Variants in PLCG2 observed in about 807,000 individuals in gnomAD.
PLCG2 encodes the protein 1-phosphatidylinositol 4,5-bisphosphate phosphodiesterase gamma-2.
In PLCG2, 69 loss-of-function variants were observed where a neutral mutation model predicts 175.6. The ratio of observed to expected loss-of-function variants is 0.39; its 90% CI spans 0.32 to 0.48. The LOEUF is 0.48. Among genes scored for constraint, PLCG2 ranks in the 20% least tolerant of loss-of-function variants. PLCG2 has a pLI of 0.91. For synonymous variants in PLCG2, 827 were observed against 624.0 expected, an observed-to-expected ratio of 1.33 and a Z score of -4.85; for missense variants, 1,798 against 1,650.9, an observed-to-expected ratio of 1.09 and a Z score of -1.54.
intron 2 of PLCG2, among the ~76,000 whole-genome samples, chr16:81,845,609 C>G (rs902914175): frequency 1.3e-5 from 2 of 152,226 alleles, no homozygotes; most frequent in Admixed American, 1.3e-4. Context: ...TTTGCAGCCC[C>G]TGCACTAGAA....
chr16:81,850,249 T>C (rs572072024), intron 2 of PLCG2, among the ~76,000 whole-genome samples: 28 of 152,366 alleles, frequency 1.8e-4, no homozygotes. Context: ...TAAGGTTTTA[T>C]GGTTCTATAA....
At chr16:81,753,008 A>C (rs772666939) in intron 1 of PLCG2, among the ~76,000 whole-genome samples, 3 of 152,242 alleles carry the variant, frequency 2.0e-5, no homozygotes, top group Admixed American at 6.5e-5. Context: ...TTCCTGGTAC[A>C]CAGCAAGTGC....
intron 30 of PLCG2, among the ~76,000 whole-genome samples, chr16:81,941,367 C>G (rs1028249832): frequency 3.3e-5 from 5 of 152,138 alleles, no homozygotes; most frequent in African/African-American, 1.2e-4. Flanking sequence ...GGTTCCTGGA[C>G]CCACCACAGG....
At chr16:81,921,766 C>T (rs563417435) in intron 21 of PLCG2, among the ~76,000 whole-genome samples, 115 of 152,298 alleles carry the variant, frequency 7.6e-4, no homozygotes, top group African/African-American at 2.6e-3. Context: ...AGAACCACAG[C>T]GAATTTTCTG....
chr16:81,835,363 A>C (rs62044142), intron 2 of PLCG2, among the ~76,000 whole-genome samples: 18,238 of 152,190 alleles, frequency 0.12, 1,157 homozygotes, highest in South Asian at 0.17. Context: ...TGGGAGGCCA[A>C]AGCGGGCAGA....
chr16:81,960,092 C>G lies in PLCG2; in HGVS notation c.*2094C>G, dbSNP rs909697588. On this transcript the variant is annotated 3_prime_UTR_variant, in exon 33 of 33. Coordinates refer to ENST00000564138, the MANE Select transcript of PLCG2 (RefSeq NM_002661.5). ...CATAAATGGTGCTGGGAAGAACCCT[C>G]TGCCTAAAACTGTCTCCTTCTCCTG... 1 of 219,292 alleles carries G rather than the reference C, an allele frequency of 4.6e-6. No homozygotes were observed. Among genetic ancestry groups the G allele is most frequent in the African/African-American group, 2.2e-5 (1 of 44,522 alleles). 13.6% of individuals were successfully genotyped at this position (219,292 alleles called of 1,614,324 possible). A position where few individuals can be genotyped will look rare whatever the true frequency, so the allele number is the denominator to read the frequency against.
chr16:81,848,041 G>C (rs543947598), intron 2 of PLCG2, among the ~76,000 whole-genome samples: 1 of 152,322 alleles, frequency 6.6e-6, no homozygotes, highest in South Asian at 2.1e-4. Context: ...ACATAGACTA[G>C]CAAACACAGC....
intron 7 of PLCG2, among the ~76,000 whole-genome samples, chr16:81,872,951 C>A (rs1342917775): frequency 6.6e-6 from 1 of 152,188 alleles, no homozygotes; most frequent in African/African-American, 2.4e-5. Flanking sequence ...GATGGGTGAC[C>A]ACTGGCCGTG....
At chr16:81,798,913 A>C (rs1314435007) in intron 2 of PLCG2, 1 of 152,360 alleles carries the variant, frequency 6.6e-6, no homozygotes, top group African/African-American at 2.4e-5. Context: ...TCTCCCCAGC[A>C]CTACCAGCCA....
chr16:81,883,578 G>C (rs7188701), intron 9 of PLCG2: 457,335 of 565,894 alleles, frequency 0.81, 185,413 homozygotes, highest in Admixed American at 0.85. Flanking sequence ...GGCCTCTTTT[G>C]AAGGCACACA....
chr16:81,905,806 C>T (rs562382549), intron 15 of PLCG2, among the ~76,000 whole-genome samples: 10 of 152,160 alleles, frequency 6.6e-5, no homozygotes, highest in East Asian at 1.9e-4. Flanking sequence ...ACCACACGTG[C>T]GCACCACCAT....
In PLCG2 at chr16:81,895,430, C is replaced by T. The variant is rs1048090853; in HGVS notation, c.1073-377C>T. 4.6e-5 allele frequency among the ~76,000 whole-genome samples: 7 copies of T among 152,096 alleles called. No homozygotes were observed. In the East Asian group the frequency reaches 9.6e-4, roughly 21 times the overall value. ...AAAAAATTAGCCGAGCGTGATGGTA[C>T]GCGCCTGTAGTCCCAGTTACTCAGG... On this transcript the variant is annotated intron_variant, in intron 12 of 32. Coordinates refer to ENST00000564138, the MANE Select transcript of PLCG2 (RefSeq NM_002661.5).
In PLCG2 at chr16:81,883,404, C is replaced by T. The variant is rs867693270; in HGVS notation, c.765+63C>T. The T allele has an allele frequency of 8.8e-5, 119 of 1,355,860 alleles. 4 individuals are homozygous for T. The South Asian group carries it at 1.3e-3, about 15-fold the overall frequency. The allele number at this position is 1,355,860 out of a possible 1,614,324, so 84.0% of individuals were successfully genotyped here. A position where few individuals can be genotyped will look rare whatever the true frequency, so the allele number is the denominator to read the frequency against. On this transcript the variant is annotated intron_variant, in intron 9 of 32. Coordinates refer to ENST00000564138, the MANE Select transcript of PLCG2 (RefSeq NM_002661.5). ...GCGGGATGCTGCTGGGGACTAGTCT[C>T]ACCCTTCTGCCGCCTGTGCTCACCT...
intron 2 of PLCG2, among the ~76,000 whole-genome samples, chr16:81,760,301 C>T (rs1910010820): frequency 6.6e-6 from 1 of 152,144 alleles, no homozygotes. Context: ...CAGAGCATGG[C>T]TGGTTCTGCT....
intron 2 of PLCG2, among the ~76,000 whole-genome samples, chr16:81,803,987 T>C (rs1186471609): frequency 6.6e-6 from 1 of 152,226 alleles, no homozygotes; most frequent in Non-Finnish European, 1.5e-5. Flanking sequence ...GGACTCTTTT[T>C]GGTTATTGTG....
At chr16:81,769,567 C>T (rs983539746) in intron 2 of PLCG2, among the ~76,000 whole-genome samples, 3 of 152,048 alleles carry the variant, frequency 2.0e-5, no homozygotes, top group Admixed American at 1.3e-4. Flanking sequence ...GTAATCCCAG[C>T]ACTTTGGGAG....
chr16:81,931,625 C>A lies in PLCG2; in HGVS notation c.2710C>A (p.Arg904=), dbSNP rs556490740. ...EELFEWFQSI[R]EITWKIDTKE... ...GCTCTTTGAGTGGTTTCAGAGCATCCGAGAGATCACCTGGAAGATTGACAC... is the reference window on the plus strand; with the variant it reads ...GCTCTTTGAGTGGTTTCAGAGCATCAGAGAGATCACCTGGAAGATTGACAC... The change falls in exon 25 of 33, where the codon CGA becomes AGA. Residue 904 remains arginine (R), a synonymous_variant. Coordinates refer to ENST00000564138, the MANE Select transcript of PLCG2 (RefSeq NM_002661.5). 1 of 1,613,914 alleles carries A rather than the reference C, an allele frequency of 6.2e-7. No individual in the cohort carries two copies. Among genetic ancestry groups the A allele is most frequent in the African/African-American group, 1.3e-5 (1 of 74,996 alleles).
intron 19 of PLCG2, 68 bp downstream of exon 19, chr16:81,912,784 G>A (rs1384293688): frequency 2.0e-6 from 3 of 1,489,984 alleles, no homozygotes; most frequent in African/African-American, 2.8e-5. Context: ...GGAGAGACAA[G>A]GGGGAACTTC....
At chr16:81,859,460 A>G (rs1286668340) in intron 5 of PLCG2, among the ~76,000 whole-genome samples, 1 of 152,242 alleles carries the variant, frequency 6.6e-6, no homozygotes, top group African/African-American at 2.4e-5. Context: ...TACAGCAGTA[A>G]CCACACTCCT....
Sources: gnomAD v4.1 joint callset for allele counts (sites outside exome capture counted in the v4.1 genomes callset) on GRCh38, gnomAD v4.1.1 for gene constraint, MANE v1.5 for transcripts, NCBI Gene and HGNC (gene_info 2026-07-23, HGNC 2026-07-21) for gene names.